JAKMIP1: variants seen among roughly 807,000 people sequenced by gnomAD.
JAKMIP1 encodes the protein janus kinase and microtubule interacting protein 1, also known as janus kinase and microtubule-interacting protein 1.
In JAKMIP1, 33 loss-of-function variants were observed where a neutral mutation model predicts 113.0. The observed-to-expected ratio is 0.29, with a 90% CI of 0.22 to 0.39. JAKMIP1 has a LOEUF of 0.39. JAKMIP1 is among the 10% of genes least tolerant of loss of function. The pLI is 1.00. For missense variants in JAKMIP1, 813 were observed against 1,080.5 expected (o/e 0.75, Z 3.47); for synonymous variants, 480 against 459.9 (o/e 1.04, Z -0.56).
rs1346889378 is a variant in JAKMIP1, at chr4:6,158,972, C to T, written c.-148+41281G>A. ...GGCATAGTGGCATGCACCTATAGTCCCAGCTATTCAAGAGGCTGAGGTAGG... is the reference window on the plus strand; with the variant it reads ...GGCATAGTGGCATGCACCTATAGTCTCAGCTATTCAAGAGGCTGAGGTAGG... On this transcript the variant is annotated intron_variant, in intron 1 of 20. Transcript: ENST00000409021. This position sits in a 1 kb window ranked among gnomAD's most constrained non-coding sequence, Gnocchi z 5.3. Among the ~76,000 whole-genome samples, 1 of 151,886 alleles carries T rather than the reference C, an allele frequency of 6.6e-6. No individual in the cohort carries two copies. Among genetic ancestry groups the T allele is most frequent in the African/African-American group, 2.4e-5 (1 of 41,310 alleles).
intron 3 of JAKMIP1, among the ~76,000 whole-genome samples, chr4:6,098,164 C>T (rs1292428760): frequency 1.3e-5 from 2 of 152,218 alleles, no homozygotes; most frequent in African/African-American, 4.8e-5. Flanking sequence ...CGTGCGGTGG[C>T]TCACGCCTGT....
At position 6,061,544 on chromosome 4, in the gene JAKMIP1, C is replaced by T. The variant is rs957185933; in HGVS notation, c.1560+768G>A. Reference sequence around the variant, plus strand: ...AGGGCTCTGAGAAAGAGCACAGGCCCTGAGTCCGAGAAACCTGGCCTCGAC... The same window carrying T: ...AGGGCTCTGAGAAAGAGCACAGGCCTTGAGTCCGAGAAACCTGGCCTCGAC... On this transcript the variant is annotated intron_variant, in intron 10 of 20. Transcript: ENST00000409021. This position sits in a 1 kb window ranked among gnomAD's most constrained non-coding sequence, Gnocchi z 5.3. 6.6e-6 allele frequency among the ~76,000 whole-genome samples: 1 copy of T among 152,254 alleles called. No homozygotes were observed. Among genetic ancestry groups the T allele is most frequent in the Admixed American group, 6.5e-5 (1 of 15,288 alleles).
rs1306654772 is a variant in JAKMIP1, at chr4:6,153,452, G to A, written c.-147-40455C>T. On this transcript the variant is annotated intron_variant, in intron 1 of 20. Transcript: ENST00000409021. The surrounding 1 kb of genome is among the most constrained non-coding windows in gnomAD (Gnocchi z 4.9). ...TTTCATGTTTTGAAAAATGAGCACT[G>A]GAGCCAACGGTGTTTCCCAAACCTC... is the stretch of plus-strand genomic sequence containing the variant. Among the ~76,000 whole-genome samples, 3 of 152,208 alleles carry A rather than the reference G, an allele frequency of 2.0e-5. No homozygotes were observed. Among genetic ancestry groups the A allele is most frequent in the Non-Finnish European group, 4.4e-5 (3 of 68,034 alleles).
At chr4:6,029,292 T>C (rs1578025439) in intron 20 of JAKMIP1, among the ~76,000 whole-genome samples, 1 of 152,328 alleles carries the variant, frequency 6.6e-6, no homozygotes, top group East Asian at 1.9e-4. Flanking sequence ...AGAGGCTGCG[T>C]CTTCCAGGAA....
rs1716954272 is a variant in JAKMIP1, at chr4:6,123,237, C to A, written c.-147-10240G>T. ...AGGCATGGCTTCTGGGGGGCCCAAA[C>A]CCCTCACCCAGAGCCAGTGCACACC... On this transcript the variant is annotated intron_variant, in intron 1 of 20. Coordinates refer to ENST00000409021, the MANE Select transcript of JAKMIP1 (RefSeq NM_001099433.2). Among the ~76,000 whole-genome samples the A allele has an allele frequency of 2.0e-5, 3 of 152,200 alleles. No individual in the cohort carries two copies. In the South Asian group the frequency reaches 6.2e-4, roughly 32 times the overall value.
rs373424096 is a variant in JAKMIP1 at position 6,049,097 on chromosome 4, G to A, written c.1963-175C>T. Among the ~76,000 whole-genome samples, 7 of 151,630 alleles carry A rather than the reference G, an allele frequency of 4.6e-5. No individual in the cohort carries two copies. In the East Asian group the frequency reaches 9.8e-4, roughly 21 times the overall value. ...GGTTTGAGTGCAGTGGTGTGATCTCGGCTCACTGTAACCTCTGCCTCCTGG... is the reference window on the plus strand; with the variant it reads ...GGTTTGAGTGCAGTGGTGTGATCTCAGCTCACTGTAACCTCTGCCTCCTGG... On this transcript the variant is annotated intron_variant, in intron 15 of 20. Transcript: ENST00000409021. This position sits in a 1 kb window ranked among gnomAD's most constrained non-coding sequence, Gnocchi z 7.0.
Position 6,061,345 on chromosome 4 carries a change from A to G in JAKMIP1, c.1561-838T>C, listed in dbSNP as rs1298502826. On this transcript the variant is annotated intron_variant, in intron 10 of 20. Transcript: ENST00000409021. This position sits in a 1 kb window ranked among gnomAD's most constrained non-coding sequence, Gnocchi z 5.3. ...AGCAGCTTCCCTCCCTGCTGACCTC[A>G]CTCCCCCTTACTCCTGGCTCCCCGC... Among the ~76,000 whole-genome samples the G allele has an allele frequency of 6.6e-6, 1 of 151,222 alleles. No individual in the cohort carries two copies. The highest frequency in any genetic ancestry group is 1.5e-5 in the Non-Finnish European group (1 of 67,806).
chr4:6,112,351 C>T (rs1345102372), intron 2 of JAKMIP1, among the ~76,000 whole-genome samples: 1 of 152,228 alleles, frequency 6.6e-6, no homozygotes, highest in Middle Eastern at 3.2e-3. Flanking sequence ...TGTCTGACCA[C>T]ATGCAGGTTT....
At chr4:6,070,087 CA>C (rs977525426) in intron 8 of JAKMIP1, 3 of 398,796 alleles carry the variant, frequency 7.5e-6, no homozygotes, top group Admixed American at 4.4e-5. Flanking sequence ...TCCTGGCAGC[CA>C]GAGAAGTACA....
intron 8 of JAKMIP1, among the ~76,000 whole-genome samples, chr4:6,074,392 A>G (rs894710643): frequency 6.6e-6 from 1 of 152,278 alleles, no homozygotes; most frequent in South Asian, 2.1e-4. Context: ...GGGCTGTCAG[A>G]TTTCTGGAAA....
At chr4:6,091,694 G>T (rs1048371073) in intron 3 of JAKMIP1, among the ~76,000 whole-genome samples, 1 of 152,296 alleles carries the variant, frequency 6.6e-6, no homozygotes, top group Admixed American at 6.5e-5. Flanking sequence ...TGAGAAAAGG[G>T]GCTGGAGACT....
In JAKMIP1 at chr4:6,069,918, C is replaced by T. The variant is rs772063334; in HGVS notation, c.1303-4910G>A. The T allele has an allele frequency of 8.8e-5, 35 of 396,126 alleles. No homozygotes were observed. In the Admixed American group the frequency reaches 1.2e-3, roughly 14 times the overall value. 24.5% of individuals were successfully genotyped at this position (396,126 alleles called of 1,614,324 possible). The stretch of plus-strand genomic sequence containing the variant: ...AAACAAATAGCCCCCCAACCAGATC[C>T]AGTCTCTCTCAGCCACCTGTCTTCT... On this transcript the variant is annotated intron_variant, in intron 8 of 20. Coordinates refer to ENST00000409021, the MANE Select transcript of JAKMIP1 (RefSeq NM_001099433.2). This position sits in a 1 kb window ranked among gnomAD's most constrained non-coding sequence, Gnocchi z 4.5.
chr4:6,101,604 T>C (rs1713036549), intron 3 of JAKMIP1, among the ~76,000 whole-genome samples: 2 of 152,042 alleles, frequency 1.3e-5, no homozygotes, highest in African/African-American at 2.4e-5. Flanking sequence ...AGTCTGCTGG[T>C]GGCTGGGCGT....
chr4:6,096,923 G>C (rs1451718980), intron 3 of JAKMIP1, among the ~76,000 whole-genome samples: 1 of 152,148 alleles, frequency 6.6e-6, no homozygotes, highest in African/African-American at 2.4e-5. Flanking sequence ...TTGAAACATC[G>C]GAAGGCAAAG....
In JAKMIP1 at chr4:6,143,522, C is replaced by G. The variant is rs1371693145; in HGVS notation, c.-147-30525G>C. Among the ~76,000 whole-genome samples, 1 of 152,178 alleles carries G rather than the reference C, an allele frequency of 6.6e-6. No individual in the cohort carries two copies. The highest frequency in any genetic ancestry group is 1.5e-5 in the Non-Finnish European group (1 of 68,032). On this transcript the variant is annotated intron_variant, in intron 1 of 20. Coordinates refer to ENST00000409021, the MANE Select transcript of JAKMIP1 (RefSeq NM_001099433.2). The surrounding 1 kb of genome is among the most constrained non-coding windows in gnomAD (Gnocchi z 4.9). The stretch of plus-strand genomic sequence containing the variant: ...AGGCCTGCTGGATCCGGCCTGGGTC[C>G]CACCTGGCCTCTTTCAGTTATGCCT...
intron 3 of JAKMIP1, among the ~76,000 whole-genome samples, chr4:6,091,275 A>G (rs1722026806): frequency 6.6e-6 from 1 of 152,180 alleles, no homozygotes; most frequent in African/African-American, 2.4e-5. Flanking sequence ...TGGCACTGAA[A>G]TGGAAACGGA....
intron 19 of JAKMIP1, among the ~76,000 whole-genome samples, 160 bp from the exon 20 acceptor site, chr4:6,029,941 G>A (rs76615966): frequency 1.9e-4 from 29 of 152,106 alleles, no homozygotes; most frequent in African/African-American, 2.9e-4. Context: ...TGTCACCACC[G>A]CCCAAAGCAA....
In JAKMIP1 at chr4:6,040,731, G is replaced by A; in HGVS notation, c.2098-15C>T. On this transcript the variant is annotated splice_polypyrimidine_tract_variant and intron_variant, in intron 17 of 20. Coordinates refer to ENST00000409021, the MANE Select transcript of JAKMIP1 (RefSeq NM_001099433.2). This position sits in a 1 kb window ranked among gnomAD's most constrained non-coding sequence, Gnocchi z 5.8. ...CTGAACAGGTCCTGAGAAAGAGGGA[G>A]GCGCCATCAGGGACCAGCGTCAGAA... The A allele has an allele frequency of 6.2e-7, 1 of 1,605,792 alleles. No individual in the cohort carries two copies. The highest frequency in any genetic ancestry group is 2.2e-5 in the East Asian group (1 of 44,838).
chr4:6,117,247 A>AT (rs750934959), intron 1 of JAKMIP1, among the ~76,000 whole-genome samples: 1 of 152,058 alleles, frequency 6.6e-6, no homozygotes, highest in Non-Finnish European at 1.5e-5. Flanking sequence ...GTTCTTTTCT[A>AT]TTTTTCTAAG....
Sources: gnomAD v4.1 joint callset for allele counts (sites outside exome capture counted in the v4.1 genomes callset) on GRCh38, gnomAD v4.1.1 for gene constraint, Gnocchi (gnomAD v3.1) non-coding constraint, MANE v1.5 for transcripts, NCBI Gene and HGNC (gene_info 2026-07-23, HGNC 2026-07-21) for gene names.